VAT1L: variants seen among roughly 807,000 people sequenced by gnomAD.
VAT1L encodes vesicle amine transport 1 like, also known as putative NADPH-dependent quinone oxidoreductase VAT1L.
VAT1L carries 34 observed loss-of-function variants against 44.1 expected under a neutral mutation model. The observed-to-expected ratio is 0.77, with a 90% CI of 0.59 to 1.03. VAT1L has a LOEUF of 1.03. VAT1L is among the 50% of genes least tolerant of loss of function. VAT1L has a pLI of 0.00. For synonymous variants in VAT1L, 253 were observed against 202.2 expected (o/e 1.25, Z -2.13); for missense variants, 615 against 538.8 (o/e 1.14, Z -1.40).
At chr16:77,903,734 C>CTTTTT (rs552342074) in intron 7 of VAT1L, among the ~76,000 whole-genome samples, 1 of 124,360 alleles carries the variant, frequency 8.0e-6, no homozygotes, top group Middle Eastern at 3.8e-3. Flanking sequence ...TCTCTCATTA[C>CTTTTT]TTTTTTTTTT....
At chr16:77,900,243 C>T (rs897725843) in intron 7 of VAT1L, among the ~76,000 whole-genome samples, 8 of 152,064 alleles carry the variant, frequency 5.3e-5, no homozygotes, top group Non-Finnish European at 1.0e-4. Flanking sequence ...TTCCTTATTC[C>T]GGAGATCATA....
intron 1 of VAT1L, among the ~76,000 whole-genome samples, chr16:77,790,074 A>G (rs561917729): frequency 4.1e-4 from 63 of 152,148 alleles, no homozygotes; most frequent in Non-Finnish European, 4.9e-4. Context: ...CAGAAACCCA[A>G]TATCTGGACC....
intron 1 of VAT1L, among the ~76,000 whole-genome samples, chr16:77,804,927 G>T (rs1461093517): frequency 2.0e-5 from 3 of 152,184 alleles, no homozygotes; most frequent in Non-Finnish European, 4.4e-5. Context: ...GGTAGATTAT[G>T]AATAAAATCA....
intron 7 of VAT1L, among the ~76,000 whole-genome samples, chr16:77,947,434 T>C (rs1381559225): frequency 2.0e-5 from 3 of 152,182 alleles, no homozygotes; most frequent in Non-Finnish European, 4.4e-5. Context: ...ACCTCAAATC[T>C]TGGTCTCACC....
intron 1 of VAT1L, among the ~76,000 whole-genome samples, chr16:77,791,451 C>A (rs577657587): frequency 5.0e-4 from 76 of 152,180 alleles, no homozygotes; most frequent in Middle Eastern, 3.4e-3. Flanking sequence ...TATCATGGAC[C>A]CTTTTTCATT....
At chr16:77,827,682 G>A (rs990386829) in intron 3 of VAT1L, among the ~76,000 whole-genome samples, 1 of 152,094 alleles carries the variant, frequency 6.6e-6, no homozygotes, top group African/African-American at 2.4e-5. Context: ...AGGGGGAAAT[G>A]GTCATCCATG....
intron 7 of VAT1L, among the ~76,000 whole-genome samples, chr16:77,916,890 T>A (rs1403608569): frequency 1.3e-5 from 2 of 151,980 alleles, no homozygotes; most frequent in African/African-American, 4.8e-5. Flanking sequence ...GCCCTCTGAT[T>A]AGTAGCGATT....
chr16:77,903,151 T>G (rs1405733503), intron 7 of VAT1L, among the ~76,000 whole-genome samples: 2 of 152,200 alleles, frequency 1.3e-5, no homozygotes, highest in African/African-American at 4.8e-5. Context: ...AGATCTCATT[T>G]AGTAAATTAG....
intron 6 of VAT1L, among the ~76,000 whole-genome samples, chr16:77,882,654 A>G (rs1053488379): frequency 2.6e-5 from 4 of 152,260 alleles, no homozygotes; most frequent in Non-Finnish European, 4.4e-5. Context: ...ATTCAGCTCT[A>G]TAACCTTCTT....
rs547413440 is a variant in VAT1L at position 77,813,872 on chromosome 16, C to A, written c.234-3049C>A. ...AATACTGGGCCCACATTGGTGCAGT[C>A]AGTTCTCTGCAAGGGGGAAGATATA... On this transcript the variant is annotated intron_variant, in intron 1 of 8. Transcript: ENST00000302536. 2.0e-5 allele frequency among the ~76,000 whole-genome samples: 3 copies of A among 152,306 alleles called. No individual in the cohort carries two copies. The East Asian group carries it at 5.8e-4, about 29-fold the overall frequency.
chr16:77,859,938 A>G (rs2016898974), intron 3 of VAT1L, among the ~76,000 whole-genome samples: 1 of 152,022 alleles, frequency 6.6e-6, no homozygotes. Flanking sequence ...TTATTTGGAG[A>G]TAGGGTCTTT....
intron 2 of VAT1L, among the ~76,000 whole-genome samples, chr16:77,818,888 A>G (rs1459429244): frequency 6.6e-6 from 1 of 152,204 alleles, no homozygotes; most frequent in East Asian, 1.9e-4. Flanking sequence ...AATTCCTTGC[A>G]GCAGCACACT....
chr16:77,816,798 C>T (rs957529843), intron 1 of VAT1L, 123 bp from the exon 2 acceptor site: 2 of 1,226,906 alleles, frequency 1.6e-6, no homozygotes, highest in Non-Finnish European at 2.2e-6. Flanking sequence ...AAAAAAAAGA[C>T]AGGAAGGAGT....
chr16:77,809,795 G>A (rs2016233516), intron 1 of VAT1L, among the ~76,000 whole-genome samples: 1 of 152,190 alleles, frequency 6.6e-6, no homozygotes, highest in Non-Finnish European at 1.5e-5. Context: ...AATCATGAGA[G>A]CTCCAGATTT....
intron 7 of VAT1L, among the ~76,000 whole-genome samples, chr16:77,919,457 T>A (rs927963749): frequency 1.9e-4 from 29 of 152,164 alleles, no homozygotes; most frequent in African/African-American, 6.0e-4. Flanking sequence ...GAGGTAGAGA[T>A]ACATGGAACT....
Position 77,946,518 on chromosome 16 carries a change from G to A in VAT1L, c.1078-25332G>A, listed in dbSNP as rs548954238. Among the ~76,000 whole-genome samples, 14 of 150,790 alleles carry A rather than the reference G, an allele frequency of 9.3e-5. No individual in the cohort carries two copies. The East Asian group carries it at 1.6e-3, about 17-fold the overall frequency. The stretch of plus-strand genomic sequence containing the variant: ...AGCATGATCTCGATCTCCTGACTTC[G>A]TGATCTGCCCGCCTCAGCCTCCCAA... On this transcript the variant is annotated intron_variant, in intron 7 of 8. Coordinates refer to ENST00000302536, the MANE Select transcript of VAT1L (RefSeq NM_020927.3).
Position 77,884,518 on chromosome 16 carries a change from C to G in VAT1L, c.883-90C>G, listed in dbSNP as rs533379667. On this transcript the variant is annotated intron_variant, in intron 6 of 8. Coordinates refer to ENST00000302536, the MANE Select transcript of VAT1L (RefSeq NM_020927.3). The surrounding 1 kb of genome is among the most constrained non-coding windows in gnomAD (Gnocchi z 4.5). Reference sequence around the variant, plus strand: ...GCTGAGCTGCAGCCCCACGTTCCCCCTGTAGTAGCTGATGACATCAGCAAT... The same window carrying G: ...GCTGAGCTGCAGCCCCACGTTCCCCGTGTAGTAGCTGATGACATCAGCAAT... 3.0e-6 allele frequency: 4 copies of G among 1,352,510 alleles called. No homozygotes were observed. The highest frequency in any genetic ancestry group is 1.5e-5 in the African/African-American group (1 of 67,054). The allele number at this position is 1,352,510 out of a possible 1,614,324, so 83.8% of individuals were successfully genotyped here.
At chr16:77,794,186 C>T (rs573889863) in intron 1 of VAT1L, among the ~76,000 whole-genome samples, 2 of 152,112 alleles carry the variant, frequency 1.3e-5, no homozygotes, top group African/African-American at 4.8e-5. Flanking sequence ...CACAGAGAGG[C>T]AGACGGGCAC....
At chr16:77,848,458 C>T (rs1269278077) in intron 3 of VAT1L, among the ~76,000 whole-genome samples, 2 of 152,110 alleles carry the variant, frequency 1.3e-5, no homozygotes, top group Non-Finnish European at 2.9e-5. Flanking sequence ...GGGACTATGC[C>T]TGGTCCATGA....
Sources: allele counts gnomAD v4.1 joint callset (sites outside exome capture counted in the v4.1 genomes callset), GRCh38; gene constraint gnomAD v4.1.1; non-coding constraint Gnocchi (gnomAD v3.1); transcripts MANE v1.5; gene names NCBI Gene and HGNC (gene_info 2026-07-23, HGNC 2026-07-21).